Variants in SPIRE1 observed in about 807,000 individuals in gnomAD.
SPIRE1 encodes the protein protein spire homolog 1.
SPIRE1 carries 40 observed loss-of-function variants against 94.1 expected under a neutral mutation model. That is an observed-to-expected ratio of 0.43 (90% CI 0.33 to 0.55). The LOEUF is 0.55. SPIRE1 is among the 20% of genes least tolerant of loss of function. The probability of loss-of-function intolerance (pLI) is 0.06; values close to 1 mark genes in which losing one functional copy is unlikely to be tolerated. For synonymous variants in SPIRE1, 376 were observed against 371.7 expected (o/e 1.01, Z -0.13); for missense variants, 838 against 975.2 (o/e 0.86, Z 1.87).
intron 2 of SPIRE1, among the ~76,000 whole-genome samples, chr18:12,556,900 T>C (rs1362633505): frequency 1.3e-5 from 2 of 152,114 alleles, no homozygotes; most frequent in South Asian, 2.1e-4. Flanking sequence ...CCTGCTTTTA[T>C]TCCCTTATCC....
At position 12,528,101 on chromosome 18, in the gene SPIRE1, A is replaced by G. The variant is rs367735340; in HGVS notation, c.729+7375T>C. Among the ~76,000 whole-genome samples the G allele has an allele frequency of 1.8e-4, 27 of 152,138 alleles. 1 individual carries two copies. The East Asian group carries it at 3.3e-3, about 19-fold the overall frequency. On this transcript the variant is annotated intron_variant, in intron 4 of 16. Coordinates refer to ENST00000409402, the MANE Select transcript of SPIRE1 (RefSeq NM_001128626.2). ...AAAGGCTTAGAAGACTCCAACTCTA[A>G]TATTTATTAGGTTAAAAAAACTTAA... is the stretch of plus-strand genomic sequence containing the variant.
At chr18:12,591,410 G>A (rs2036530613) in intron 2 of SPIRE1, among the ~76,000 whole-genome samples, 2 of 152,174 alleles carry the variant, frequency 1.3e-5, no homozygotes, top group African/African-American at 4.8e-5. Context: ...ACCACTGGAA[G>A]GGCTGTAACT....
At chr18:12,614,819 AG>A (rs1174554350) in intron 2 of SPIRE1, among the ~76,000 whole-genome samples, 1 of 152,096 alleles carries the variant, frequency 6.6e-6, no homozygotes, top group Non-Finnish European at 1.5e-5. Flanking sequence ...ACTCTGTCTT[AG>A]AAAAAAAGAA....
At chr18:12,648,086 G>A (rs1341877783) in intron 1 of SPIRE1, among the ~76,000 whole-genome samples, 1 of 152,116 alleles carries the variant, frequency 6.6e-6, no homozygotes, top group Admixed American at 6.6e-5. Flanking sequence ...ATAAACAAAT[G>A]ATTGAATATA....
intron 2 of SPIRE1, among the ~76,000 whole-genome samples, chr18:12,571,516 G>C (rs949847247): frequency 2.0e-5 from 3 of 152,128 alleles, no homozygotes; most frequent in African/African-American, 2.4e-5. Context: ...ATTTAAAGGT[G>C]AGTCCCAACT....
At chr18:12,502,591 G>C (rs1446679682) in intron 6 of SPIRE1, among the ~76,000 whole-genome samples, 2 of 152,046 alleles carry the variant, frequency 1.3e-5, no homozygotes, top group African/African-American at 4.8e-5. Context: ...AAAATATTAA[G>C]TACTAAAATT....
At chr18:12,609,777 C>T (rs1372741984) in intron 2 of SPIRE1, among the ~76,000 whole-genome samples, 2 of 152,166 alleles carry the variant, frequency 1.3e-5, no homozygotes, top group African/African-American at 4.8e-5. Context: ...TCCCACTGCC[C>T]ATCTCCCAGA....
chr18:12,652,375 C>T (rs1017004595), intron 1 of SPIRE1, among the ~76,000 whole-genome samples: 3 of 152,176 alleles, frequency 2.0e-5, no homozygotes, highest in African/African-American at 7.2e-5. Flanking sequence ...ACAACAAAGT[C>T]TTATTATTAC....
At chr18:12,580,044 T>C (rs900093738) in intron 2 of SPIRE1, among the ~76,000 whole-genome samples, 1 of 152,206 alleles carries the variant, frequency 6.6e-6, no homozygotes, top group Non-Finnish European at 1.5e-5. Context: ...GATGCTTTCA[T>C]AGAGTGGGTC....
intron 12 of SPIRE1, among the ~76,000 whole-genome samples, chr18:12,455,433 C>G (rs1042512174): frequency 1.1e-4 from 16 of 152,170 alleles, no homozygotes; most frequent in African/African-American, 3.9e-4. Flanking sequence ...GGCTGCCCCA[C>G]AGTTCTCTAG....
At chr18:12,543,007 T>C (rs1234024423) in intron 3 of SPIRE1, among the ~76,000 whole-genome samples, 4 of 152,144 alleles carry the variant, frequency 2.6e-5, no homozygotes, top group Admixed American at 1.3e-4. Context: ...TTTGTATTTT[T>C]AGTAGAGATG....
intron 10 of SPIRE1, among the ~76,000 whole-genome samples, chr18:12,478,469 G>A (rs772567404): frequency 5.3e-5 from 8 of 150,552 alleles, no homozygotes; most frequent in African/African-American, 9.8e-5. Context: ...GTGTGTGCAC[G>A]CACACATGTG....
intron 2 of SPIRE1, among the ~76,000 whole-genome samples, chr18:12,578,151 C>T (rs1237612531): frequency 1.3e-5 from 2 of 152,102 alleles, no homozygotes; most frequent in Non-Finnish European, 2.9e-5. Context: ...GAGTTTCTTA[C>T]AAAAGTCAAA....
rs1345042382 is a variant in SPIRE1 at position 12,657,788 on chromosome 18, C to G, written c.79G>C (p.Gly27Arg). Residue 27 changes from glycine to arginine, a missense_variant, in exon 1 of 17, where the codon GGG becomes CGG. Gly to Arg is a moderately radical substitution (Grantham distance 125). Transcript: ENST00000409402. The stretch of plus-strand genomic sequence containing the variant: ...CCCCCGGCCGCGCCGCCGGCTGCCC[C>G]GGGCTCCCGCGGCCCCTCGCCGCCC... ...AVGGEGPREPGAAGGAAGGSR... is the reference protein window; with the variant it reads ...AVGGEGPREPRAAGGAAGGSR... 2 of 1,291,826 alleles carry G rather than the reference C, an allele frequency of 1.5e-6. No homozygotes were observed. The highest frequency in any genetic ancestry group is 9.8e-7 in the Non-Finnish European group (1 of 1,016,906). 80.0% of individuals were successfully genotyped at this position (1,291,826 alleles called of 1,614,324 possible). A position where few individuals can be genotyped will look rare whatever the true frequency, so the allele number is the denominator to read the frequency against.
rs1332514946 is a variant in SPIRE1 at position 12,593,676 on chromosome 18, G to A, written c.372+41386C>T. Among the ~76,000 whole-genome samples the A allele has an allele frequency of 2.6e-5, 4 of 152,182 alleles. No individual in the cohort carries two copies. In the East Asian group the frequency reaches 5.8e-4, roughly 22 times the overall value. On this transcript the variant is annotated intron_variant, in intron 2 of 16. Coordinates refer to ENST00000409402, the MANE Select transcript of SPIRE1 (RefSeq NM_001128626.2). ...TAAGAAAGCATGCAATTGGCCAGGCGGGGTGGCTCATGCCTGTAATCCCAG... is the reference window on the plus strand; with the variant it reads ...TAAGAAAGCATGCAATTGGCCAGGCAGGGTGGCTCATGCCTGTAATCCCAG...
At chr18:12,463,768 C>T (rs1408023978) in intron 11 of SPIRE1, among the ~76,000 whole-genome samples, 1 of 151,966 alleles carries the variant, frequency 6.6e-6, no homozygotes, top group Non-Finnish European at 1.5e-5. Flanking sequence ...CTCAATGTAC[C>T]CTCTTTTTAC....
intron 2 of SPIRE1, among the ~76,000 whole-genome samples, chr18:12,617,722 T>C (rs1021154262): frequency 6.6e-6 from 1 of 151,982 alleles, no homozygotes; most frequent in African/African-American, 2.4e-5. Context: ...CCGGCTAATT[T>C]ATTTTATACT....
intron 2 of SPIRE1, among the ~76,000 whole-genome samples, chr18:12,602,856 A>G (rs1316817050): frequency 1.3e-5 from 2 of 152,226 alleles, no homozygotes; most frequent in Non-Finnish European, 2.9e-5. Context: ...TGAATACTCC[A>G]ATCCACCCAT....
Position 12,559,082 on chromosome 18 carries a change from C to A in SPIRE1, c.373-12178G>T, listed in dbSNP as rs2035605923. ...CCGCCAGTCCCGTGCCACGTGCCTG[C>A]ACTCCTCAGCCCTTGGGCGGTAGAT... On this transcript the variant is annotated intron_variant, in intron 2 of 16. Coordinates refer to ENST00000409402, the MANE Select transcript of SPIRE1 (RefSeq NM_001128626.2). This position sits in a 1 kb window ranked among gnomAD's most constrained non-coding sequence, Gnocchi z 4.7. 2.0e-5 allele frequency among the ~76,000 whole-genome samples: 3 copies of A among 151,970 alleles called. No individual in the cohort carries two copies. In the South Asian group the frequency reaches 6.2e-4, roughly 32 times the overall value.
Sources: gnomAD v4.1 joint callset for allele counts (sites outside exome capture counted in the v4.1 genomes callset) on GRCh38, gnomAD v4.1.1 for gene constraint, Gnocchi (gnomAD v3.1) non-coding constraint, MANE v1.5 for transcripts, NCBI Gene and HGNC (gene_info 2026-07-23, HGNC 2026-07-21) for gene names.